The following PRR11 variants were observed in gnomAD, a reference collection of about 807,000 sequenced individuals.
The protein encoded by PRR11 is proline rich 11, also known as proline-rich protein 11.
PRR11 carries 30 observed loss-of-function variants against 45.6 expected under a neutral mutation model. That is an observed-to-expected ratio of 0.66 (90% CI 0.49 to 0.89). The LOEUF (loss-of-function observed/expected upper bound fraction) is 0.89, where lower values mean the gene tolerates loss of function less well. Among genes scored for constraint, PRR11 ranks in the 40% least tolerant of loss-of-function variants. The pLI is 0.00. For synonymous variants in PRR11, 128 were observed against 153.5 expected, an observed-to-expected ratio of 0.83 and a Z score of 1.23; for missense variants, 373 against 424.8, an observed-to-expected ratio of 0.88 and a Z score of 1.07.
chr17:59,169,733 A>G lies in PRR11; in HGVS notation c.-5-15A>G. On this transcript the variant is annotated splice_polypyrimidine_tract_variant and intron_variant, in intron 1 of 9. Transcript: ENST00000262293. ...ATTATTCTTCAATTAAAAATGTAAA[A>G]AAATTTCTCTGCAGAAATCATGCCC... 6.4e-7 allele frequency: 1 copy of G among 1,566,446 alleles called. No homozygotes were observed. Among genetic ancestry groups the G allele is most frequent in the South Asian group, 1.2e-5 (1 of 82,434 alleles).
chr17:59,195,311 G>C lies in PRR11; in HGVS notation c.745-20G>C. On this transcript the variant is annotated intron_variant, in intron 6 of 9. Transcript: ENST00000262293. Reference sequence around the variant, plus strand: ...ATATTTTAAAATTTGTTTTAATAATGTCTCATTTTATAATTAAAGCTTATA... The same window carrying C: ...ATATTTTAAAATTTGTTTTAATAATCTCTCATTTTATAATTAAAGCTTATA... The C allele has an allele frequency of 1.3e-6, 2 of 1,563,184 alleles. No homozygotes were observed. The highest frequency in any genetic ancestry group is 1.8e-6 in the Non-Finnish European group (2 of 1,136,578).
chr17:59,197,480 T>C (rs1370195781), intron 7 of PRR11, 64 bp from the exon 8 acceptor site: 1 of 1,414,362 alleles, frequency 7.1e-7, no homozygotes, highest in South Asian at 1.2e-5. Flanking sequence ...CTTGATCTCC[T>C]GACCTTGTGA....
chr17:59,161,036 G>A (rs921440053), intron 1 of PRR11, among the ~76,000 whole-genome samples: 13 of 151,796 alleles, frequency 8.6e-5, no homozygotes, highest in Admixed American at 5.3e-4. Context: ...TTGAACCACC[G>A]CCCTTTGCCT....
At chr17:59,197,975 C>T (rs2046874967) in intron 9 of PRR11, 186 bp downstream of exon 9, 10 of 567,738 alleles carry the variant, frequency 1.8e-5, no homozygotes, top group South Asian at 8.4e-5. Context: ...ATTAGCCAGG[C>T]GTGGTGGTGC....
chr17:59,161,992 A>G (rs1293951848), intron 1 of PRR11, among the ~76,000 whole-genome samples: 1 of 152,132 alleles, frequency 6.6e-6, no homozygotes, highest in Non-Finnish European at 1.5e-5. Flanking sequence ...ACAAACCTTA[A>G]TTTTTTGTGT....
intron 2 of PRR11, among the ~76,000 whole-genome samples, chr17:59,170,315 T>A (rs2046701392): frequency 6.6e-6 from 1 of 152,190 alleles, no homozygotes; most frequent in African/African-American, 2.4e-5. Flanking sequence ...AATTTTTTCA[T>A]ATAATTATGT....
Position 59,201,671 on chromosome 17 carries a change from A to G in PRR11, c.*40A>G. ...CACTCCATGAGATGATCCATAACAAATACAGATAAAAACACCCAGCTGGGT... is the reference window on the plus strand; with the variant it reads ...CACTCCATGAGATGATCCATAACAAGTACAGATAAAAACACCCAGCTGGGT... On this transcript the variant is annotated 3_prime_UTR_variant, in exon 10 of 10. Transcript: ENST00000262293. 2 of 1,599,248 alleles carry G rather than the reference A, an allele frequency of 1.3e-6. No individual in the cohort carries two copies. Among genetic ancestry groups the G allele is most frequent in the Non-Finnish European group, 1.7e-6 (2 of 1,167,610 alleles).
chr17:59,176,046 C>T (rs1188887322), intron 2 of PRR11, among the ~76,000 whole-genome samples: 1 of 152,128 alleles, frequency 6.6e-6, no homozygotes, highest in Non-Finnish European at 1.5e-5. Context: ...AACTGGAGAG[C>T]TACAAGCATG....
At position 59,184,034 on chromosome 17, in the gene PRR11, C is replaced by T. The variant is rs183635946; in HGVS notation, c.129-1020C>T. On this transcript the variant is annotated intron_variant, in intron 2 of 9. Transcript: ENST00000262293. ...ACAGGAAGATCGCTTGAGCCCAGGA[C>T]TTAGAAGCTGCAGTGAGCTATGATC... is the stretch of plus-strand genomic sequence containing the variant. Among the ~76,000 whole-genome samples the T allele has an allele frequency of 2.0e-5, 3 of 152,256 alleles. No individual in the cohort carries two copies. In the East Asian group the frequency reaches 5.8e-4, roughly 29 times the overall value.
rs1202469605 is a variant in PRR11 at position 59,171,454 on chromosome 17, C to T, written c.128+1574C>T. On this transcript the variant is annotated intron_variant, in intron 2 of 9. Coordinates refer to ENST00000262293, the MANE Select transcript of PRR11 (RefSeq NM_018304.4). ...TAGATAAAAGGAGTGCTCCCTTCAG[C>T]AGCACATGTAACCATAGATACAAAG... Among the ~76,000 whole-genome samples the T allele has an allele frequency of 1.3e-5, 2 of 152,014 alleles. 1 individual carries two copies. The highest frequency in any genetic ancestry group is 1.3e-4 in the Admixed American group (2 of 15,248).
intron 1 of PRR11, chr17:59,160,654 C>A (rs930023676): frequency 1.1e-4 from 16 of 152,210 alleles, no homozygotes; most frequent in African/African-American, 3.1e-4. Flanking sequence ...GCCTAGAAAT[C>A]TTTTCTTAAT....
intron 4 of PRR11, among the ~76,000 whole-genome samples, chr17:59,188,658 G>T (rs1479855040): frequency 6.6e-6 from 1 of 151,992 alleles, no homozygotes; most frequent in Admixed American, 6.6e-5. Flanking sequence ...TACACTAATG[G>T]CCAGGCGTGG....
intron 1 of PRR11, among the ~76,000 whole-genome samples, chr17:59,159,511 G>A (rs1330320841): frequency 6.6e-6 from 1 of 152,150 alleles, no homozygotes; most frequent in Non-Finnish European, 1.5e-5. Flanking sequence ...TTTGTCTTCA[G>A]TCATGGTCCC....
intron 2 of PRR11, chr17:59,178,603 A>G: frequency 1.9e-6 from 1 of 518,874 alleles, no homozygotes; most frequent in South Asian, 1.4e-5. Flanking sequence ...GGCAGCAAGG[A>G]GAAGTGTGTC....
At chr17:59,183,260 G>A (rs754732768) in intron 2 of PRR11, among the ~76,000 whole-genome samples, 1 of 152,184 alleles carries the variant, frequency 6.6e-6, no homozygotes, top group African/African-American at 2.4e-5. Context: ...AGCAGAGGCT[G>A]TGTCTTCTCC....
intron 1 of PRR11, among the ~76,000 whole-genome samples, chr17:59,158,411 T>C (rs1199572883): frequency 6.6e-6 from 1 of 152,246 alleles, no homozygotes; most frequent in Non-Finnish European, 1.5e-5. Flanking sequence ...ATAACAAGGT[T>C]AAATTTCCTG....
At chr17:59,190,796 C>T (rs1397175008) in intron 4 of PRR11, among the ~76,000 whole-genome samples, 1 of 152,266 alleles carries the variant, frequency 6.6e-6, no homozygotes, top group Non-Finnish European at 1.5e-5. Context: ...ATTCTCATAA[C>T]AGAACCATCT....
chr17:59,180,153 C>T (rs1599699917), intron 2 of PRR11, among the ~76,000 whole-genome samples: 1 of 126,746 alleles, frequency 7.9e-6, no homozygotes, highest in Non-Finnish European at 1.6e-5. Context: ...TTTTTTGACA[C>T]AGAGTCTTGC....
intron 1 of PRR11, among the ~76,000 whole-genome samples, chr17:59,162,444 CAGCT>C (rs1381221421): frequency 6.6e-6 from 1 of 152,024 alleles, no homozygotes; most frequent in African/African-American, 2.4e-5. Context: ...TCAAATTTTC[CAGCT>C]AATGGTACAT....
Sources: gnomAD v4.1 joint callset for allele counts (sites outside exome capture counted in the v4.1 genomes callset) on GRCh38, gnomAD v4.1.1 for gene constraint, MANE v1.5 for transcripts, NCBI Gene and HGNC (gene_info 2026-07-23, HGNC 2026-07-21) for gene names.